FNTB: variants seen among roughly 807,000 people sequenced by gnomAD.
FNTB encodes the protein protein farnesyltransferase subunit beta.
In FNTB, 27 loss-of-function variants were observed where a neutral mutation model predicts 59.4. The observed-to-expected ratio is 0.45, with a 90% CI of 0.34 to 0.63. The LOEUF is 0.63. FNTB is among the 20% of genes least tolerant of loss of function. The pLI, the probability that FNTB is intolerant of heterozygous loss-of-function variation, is 0.02. For missense variants in FNTB, 449 were observed against 559.6 expected, an observed-to-expected ratio of 0.80 and a Z score of 1.99; for synonymous variants, 230 against 220.7, an observed-to-expected ratio of 1.04 and a Z score of -0.37.
intron 2 of FNTB, among the ~76,000 whole-genome samples, chr14:65,004,731 C>T (rs1023738831): frequency 6.6e-6 from 1 of 151,842 alleles, no homozygotes; most frequent in Non-Finnish European, 1.5e-5. Flanking sequence ...GGCACAATCT[C>T]GGCTCTCTGG....
intron 1 of FNTB, among the ~76,000 whole-genome samples, chr14:64,998,685 G>A (rs543347371): frequency 1.3e-5 from 2 of 152,328 alleles, no homozygotes; most frequent in Admixed American, 6.5e-5. Flanking sequence ...GATTTTGACA[G>A]TGTTCACAAA....
intron 4 of FNTB, among the ~76,000 whole-genome samples, chr14:65,025,385 G>A (rs948814630): frequency 1.5e-4 from 23 of 152,136 alleles, no homozygotes; most frequent in Non-Finnish European, 3.2e-4. Flanking sequence ...GAAACCTTTT[G>A]GTATGCTAGT....
chr14:65,042,643 T>A (rs2062377922), intron 8 of FNTB, among the ~76,000 whole-genome samples: 1 of 152,224 alleles, frequency 6.6e-6, no homozygotes, highest in Admixed American at 6.5e-5. Flanking sequence ...TCCAGACTAC[T>A]CCCTTCCATT....
rs896863725 is a variant in FNTB, at chr14:65,007,056, G to A, written c.209+2743G>A. On this transcript the variant is annotated intron_variant, in intron 2 of 11. Coordinates refer to ENST00000246166, the MANE Select transcript of FNTB (RefSeq NM_002028.4). The surrounding 1 kb of genome is among the most constrained non-coding windows in gnomAD (Gnocchi z 4.9). ...ACCCGTTTTTATCATTGTTGCCTAT[G>A]AAATTGAGTGTTTTAAAGGATGCTA... Among the ~76,000 whole-genome samples the A allele has an allele frequency of 2.0e-4, 30 of 152,300 alleles. No individual in the cohort carries two copies. Among genetic ancestry groups the A allele is most frequent in the African/African-American group, 7.2e-4 (30 of 41,566 alleles).
At chr14:64,988,611 T>G (rs569016570) in intron 1 of FNTB, among the ~76,000 whole-genome samples, 7 of 152,118 alleles carry the variant, frequency 4.6e-5, no homozygotes, top group African/African-American at 1.7e-4. Context: ...ATTTTTGTAT[T>G]TTAGTAGAGA....
intron 9 of FNTB, 187 bp from the exon 10 acceptor site, chr14:65,053,051 G>T: frequency 2.6e-6 from 1 of 390,466 alleles, no homozygotes; most frequent in Non-Finnish European, 4.4e-6. Flanking sequence ...TTTGACACAT[G>T]TCAAAGTTCA....
chr14:65,038,931 G>A (rs974451710), intron 7 of FNTB, among the ~76,000 whole-genome samples: 1 of 151,776 alleles, frequency 6.6e-6, no homozygotes, highest in Non-Finnish European at 1.5e-5. Flanking sequence ...GGGATATTTT[G>A]TCCTCTCAAT....
In FNTB at chr14:65,012,491, A is replaced by G; in HGVS notation, c.282+102A>G. ...GACTGTTGGGGCTGACCTGTTGCAG[A>G]GTCACTCTTTGTTCTCTGTGGCTCT... On this transcript the variant is annotated intron_variant, in intron 3 of 11. Transcript: ENST00000246166. The surrounding 1 kb of genome is among the most constrained non-coding windows in gnomAD (Gnocchi z 5.0). 1 of 1,478,378 alleles carries G rather than the reference A, an allele frequency of 6.8e-7. No homozygotes were observed. Among genetic ancestry groups the G allele is most frequent in the Non-Finnish European group, 9.3e-7 (1 of 1,080,996 alleles). 91.6% of individuals were successfully genotyped at this position (1,478,378 alleles called of 1,614,324 possible). A position where few individuals can be genotyped will look rare whatever the true frequency, so the allele number is the denominator to read the frequency against.
intron 10 of FNTB, 144 bp downstream of exon 10, chr14:65,053,493 C>T (rs1298995657): frequency 1.3e-5 from 9 of 697,662 alleles, no homozygotes; most frequent in Non-Finnish European, 1.6e-5. Flanking sequence ...TGGGAAAAAG[C>T]ACCCAGTTGG....
intron 3 of FNTB, among the ~76,000 whole-genome samples, chr14:65,015,125 C>T (rs2061745878): frequency 1.4e-5 from 2 of 147,890 alleles, no homozygotes; most frequent in South Asian, 2.2e-4. Flanking sequence ...TTTTTTGAGA[C>T]GGAGTCTTGC....
In FNTB at chr14:65,014,379, T is replaced by G. The variant is rs554804276; in HGVS notation, c.283-1246T>G. Among the ~76,000 whole-genome samples the G allele has an allele frequency of 1.3e-5, 2 of 152,268 alleles. No homozygotes were observed. The highest frequency in any genetic ancestry group is 3.9e-4 in the East Asian group (2 of 5,190). Reference sequence around the variant, plus strand: ...TCTCTTCCACGTGCTCCCTCAAAACTCTGTTTTCGTCCATTACAGCATTTC... The same window carrying G: ...TCTCTTCCACGTGCTCCCTCAAAACGCTGTTTTCGTCCATTACAGCATTTC... On this transcript the variant is annotated intron_variant, in intron 3 of 11. Coordinates refer to ENST00000246166, the MANE Select transcript of FNTB (RefSeq NM_002028.4). The surrounding 1 kb of genome is among the most constrained non-coding windows in gnomAD (Gnocchi z 5.1).
chr14:65,016,193 G>A (rs1321156956), intron 4 of FNTB, among the ~76,000 whole-genome samples: 1 of 152,174 alleles, frequency 6.6e-6, no homozygotes, highest in African/African-American at 2.4e-5. Flanking sequence ...TGTGTTACTG[G>A]TGTGGCATAC....
Position 65,032,821 on chromosome 14 carries a change from G to T in FNTB, c.692+125G>T. On this transcript the variant is annotated intron_variant, in intron 7 of 11. Transcript: ENST00000246166. The surrounding 1 kb of genome is among the most constrained non-coding windows in gnomAD (Gnocchi z 5.0). Reference sequence around the variant, plus strand: ...ACAAAAATCACAGGAGATCCATTAGGGTTATCTAATGATTTTTTTAAATAC... The same window carrying T: ...ACAAAAATCACAGGAGATCCATTAGTGTTATCTAATGATTTTTTTAAATAC... 4 of 773,836 alleles carry T rather than the reference G, an allele frequency of 5.2e-6. No homozygotes were observed. Among genetic ancestry groups the T allele is most frequent in the Non-Finnish European group, 7.5e-6 (4 of 532,834 alleles). The allele number at this position is 773,836 out of a possible 1,614,324, so 47.9% of individuals were successfully genotyped here. A position where few individuals can be genotyped will look rare whatever the true frequency, so the allele number is the denominator to read the frequency against.
chr14:65,006,117 C>T lies in FNTB; in HGVS notation c.209+1804C>T. On this transcript the variant is annotated intron_variant, in intron 2 of 11. Coordinates refer to ENST00000246166, the MANE Select transcript of FNTB (RefSeq NM_002028.4). ...CTCTAGGTACTTCTGCTTACTGGAA[C>T]ATTATAAATAGGTCCAGCTTTGTTT... is the stretch of plus-strand genomic sequence containing the variant. 9 of 1,587,986 alleles carry T rather than the reference C, an allele frequency of 5.7e-6. No homozygotes were observed. The South Asian group carries it at 1.0e-4, about 18-fold the overall frequency.
intron 11 of FNTB, among the ~76,000 whole-genome samples, chr14:65,059,057 C>CT (rs879887428): frequency 2.6e-5 from 4 of 152,124 alleles, no homozygotes; most frequent in Non-Finnish European, 5.9e-5. Context: ...TGATCTCACT[C>CT]TGTCACTCAT....
intron 11 of FNTB, among the ~76,000 whole-genome samples, chr14:65,056,197 C>T (rs546226649): frequency 5.5e-4 from 84 of 152,240 alleles, no homozygotes; most frequent in African/African-American, 1.9e-3. Context: ...TTTCCACTTG[C>T]CATTGTATTT....
intron 9 of FNTB, among the ~76,000 whole-genome samples, chr14:65,049,535 G>T (rs1337918020): frequency 6.6e-6 from 1 of 152,140 alleles, no homozygotes; most frequent in Non-Finnish European, 1.5e-5. Context: ...CCAAATTCAG[G>T]ATATCTGGAA....
Position 65,030,476 on chromosome 14 carries a change from T to C in FNTB, c.606-2134T>C, listed in dbSNP as rs889349802. ...ACCAGGGCCGAGCGGCAGTGGCTCA[T>C]GTCTGTAATCTCAACACTTTGAGAG... On this transcript the variant is annotated intron_variant, in intron 6 of 11. Transcript: ENST00000246166. This position sits in a 1 kb window ranked among gnomAD's most constrained non-coding sequence, Gnocchi z 4.5. Among the ~76,000 whole-genome samples, 7 of 152,222 alleles carry C rather than the reference T, an allele frequency of 4.6e-5. No homozygotes were observed. The highest frequency in any genetic ancestry group is 1.5e-5 in the Non-Finnish European group (1 of 68,036).
Position 65,053,222 on chromosome 14 carries a change from CT to C in FNTB, c.956-13del. The C allele has an allele frequency of 1.5e-6, 2 of 1,364,542 alleles. No homozygotes were observed. The highest frequency in any genetic ancestry group is 1.9e-6 in the Non-Finnish European group (2 of 1,047,840). The allele number at this position is 1,364,542 out of a possible 1,614,324, so 84.5% of individuals were successfully genotyped here. On this transcript the variant is annotated splice_polypyrimidine_tract_variant and intron_variant, in intron 9 of 11. Transcript: ENST00000246166. ...TGGATCTGCCGGGCCCTTACTGACC[CT>C]TTGCCCTTCAACAGGTGACCCTGCC...
Sources: allele counts gnomAD v4.1 joint callset (sites outside exome capture counted in the v4.1 genomes callset), GRCh38; gene constraint gnomAD v4.1.1; non-coding constraint Gnocchi (gnomAD v3.1); transcripts MANE v1.5; gene names NCBI Gene and HGNC (gene_info 2026-07-23, HGNC 2026-07-21).